The following TMEM236 variants were observed in gnomAD, a reference collection of about 807,000 sequenced individuals.
TMEM236 encodes family with sequence similarity 23, member A.
A neutral mutation model predicts 14.7 loss-of-function variants in TMEM236; 11 were observed. The ratio of observed to expected loss-of-function variants is 0.75; its 90% confidence interval spans 0.47 to 1.24. The LOEUF (loss-of-function observed/expected upper bound fraction) is 1.24, where lower values mean the gene tolerates loss of function less well. Ranked by LOEUF, TMEM236 falls within the 50% of genes most tolerant of loss-of-function variation. The pLI, the probability that TMEM236 is intolerant of heterozygous loss-of-function variation, is 0.00. For synonymous variants in TMEM236, 182 were observed against 168.6 expected (o/e 1.08, Z -0.62); for missense variants, 464 against 427.3 (o/e 1.09, Z -0.76).
chr10:17,762,662 A>G (rs1252596607), intron 1 of TMEM236, among the ~76,000 whole-genome samples: 3 of 106,042 alleles, frequency 2.8e-5, no homozygotes, highest in African/African-American at 1.0e-4. Context: ...ATTATATATA[A>G]ATATATATAT....
chr10:17,789,298 A>T (rs1003908950), intron 3 of TMEM236, among the ~76,000 whole-genome samples: 2,227 of 152,340 alleles, frequency 0.015, 19 homozygotes, highest in Non-Finnish European at 0.023. Flanking sequence ...CCAGATAATG[A>T]GTTATAGTGT....
In TMEM236 at chr10:17,795,928, A is replaced by C. The variant is rs1191567688; in HGVS notation, c.480A>C (p.Glu160Asp). Reference protein sequence around the residue: ...YPLRGSQKSSENGHIHSTSLQ... With the variant: ...YPLRGSQKSSDNGHIHSTSLQ... The stretch of plus-strand genomic sequence containing the variant: ...TAAATCTGTTAATTGCAGGTAGTGA[A>C]AATGGACACATCCATTCAACCTCTT... Residue 160 changes from glutamate (E) to aspartate (D), a missense_variant, in exon 4 of 4, where the codon GAA (glutamate) becomes GAC (aspartate). By Grantham distance (45) the Glu-to-Asp change is conservative (BLOSUM62 2). Coordinates refer to ENST00000377495, the MANE Select transcript of TMEM236 (RefSeq NM_001098844.3). 2 of 1,613,908 alleles carry C rather than the reference A, an allele frequency of 1.2e-6. No homozygotes were observed. Among genetic ancestry groups the C allele is most frequent in the Non-Finnish European group, 1.7e-6 (2 of 1,179,782 alleles).
In TMEM236 at chr10:17,798,277, A is replaced by G. The variant is rs1214222203; in HGVS notation, c.*1773A>G. The G allele has an allele frequency of 1.2e-5, 3 of 253,750 alleles. No homozygotes were observed. The highest frequency in any genetic ancestry group is 2.1e-4 in the East Asian group (2 of 9,350). 15.7% of individuals were successfully genotyped at this position (253,750 alleles called of 1,614,324 possible). On this transcript the variant is annotated 3_prime_UTR_variant, in exon 4 of 4. Transcript: ENST00000377495. Reference sequence around the variant, plus strand: ...CATATGGCCGGCTGTGGTGGCTCACACGTGTAATCCCAGCACTTTGGGAGG... The same window carrying G: ...CATATGGCCGGCTGTGGTGGCTCACGCGTGTAATCCCAGCACTTTGGGAGG...
chr10:17,776,281 A>T lies in TMEM236; in HGVS notation c.472+111A>T. On this transcript the variant is annotated intron_variant, in intron 3 of 3. Transcript: ENST00000377495. ...AATGATACCTTTTCTTAGGGCTAAC[A>T]TTACTGATAGAAGATTGCAAATGAA... 4 of 1,045,052 alleles carry T rather than the reference A, an allele frequency of 3.8e-6. No homozygotes were observed. The South Asian group carries it at 4.5e-5, about 12-fold the overall frequency. The allele number at this position is 1,045,052 out of a possible 1,614,324, so 64.7% of individuals were successfully genotyped here. A position where few individuals can be genotyped will look rare whatever the true frequency, so the allele number is the denominator to read the frequency against.
chr10:17,762,862 C>T (rs1186368115), intron 1 of TMEM236, among the ~76,000 whole-genome samples: 4 of 151,326 alleles, frequency 2.6e-5, no homozygotes, highest in East Asian at 2.0e-4. Flanking sequence ...CTAGGTTGCC[C>T]GGCTGGTCTC....
At chr10:17,755,343 A>T (rs1473751168) in intron 1 of TMEM236, among the ~76,000 whole-genome samples, 1 of 152,140 alleles carries the variant, frequency 6.6e-6, no homozygotes, top group South Asian at 2.1e-4. Flanking sequence ...AAATGTAAAA[A>T]TAATAGACTC....
At chr10:17,762,618 TAC>T (rs1300902533) in intron 1 of TMEM236, among the ~76,000 whole-genome samples, 4,070 of 63,380 alleles carry the variant, frequency 0.064, 147 homozygotes, top group African/African-American at 0.084. Flanking sequence ...TATATATATA[TAC>T]ACACATACAT....
chr10:17,773,316 C>T (rs1386048567), intron 2 of TMEM236, among the ~76,000 whole-genome samples: 1 of 152,150 alleles, frequency 6.6e-6, no homozygotes, highest in African/African-American at 2.4e-5. Context: ...AGAGAAGGAG[C>T]ATTCACCAGC....
rs1837969757 is a variant in TMEM236, at chr10:17,794,067, C to T, written c.473-1854C>T. Among the ~76,000 whole-genome samples the T allele has an allele frequency of 2.0e-5, 3 of 152,198 alleles. No individual in the cohort carries two copies. In the South Asian group the frequency reaches 6.2e-4, roughly 32 times the overall value. ...ATTATCTTTTTAGTTTATAAAAATG[C>T]TCAATTCACACTTAAACTTTAAAAC... is the stretch of plus-strand genomic sequence containing the variant. On this transcript the variant is annotated intron_variant, in intron 3 of 3. Coordinates refer to ENST00000377495, the MANE Select transcript of TMEM236 (RefSeq NM_001098844.3).
Position 17,798,613 on chromosome 10 carries a change from C to G in TMEM236, c.*2109C>G. On this transcript the variant is annotated 3_prime_UTR_variant, in exon 4 of 4. Transcript: ENST00000377495. ...ACCTCTCCCCTTGCCACCCTGTCTC[C>G]CTTTCCCTCTGTTTTAGGATTTTTC... 1.9e-6 allele frequency: 1 copy of G among 533,430 alleles called. No individual in the cohort carries two copies. The highest frequency in any genetic ancestry group is 1.4e-5 in the South Asian group (1 of 71,522). 33.0% of individuals were successfully genotyped at this position (533,430 alleles called of 1,614,324 possible). A position where few individuals can be genotyped will look rare whatever the true frequency, so the allele number is the denominator to read the frequency against.
At chr10:17,775,949 G>T in intron 2 of TMEM236, 80 bp from the exon 3 acceptor site, 1 of 1,499,888 alleles carries the variant, frequency 6.7e-7, no homozygotes, top group Non-Finnish European at 9.3e-7. Context: ...TTAATTTAGT[G>T]CTGCATTCAG....
At chr10:17,784,483 A>G (rs1426010902) in intron 3 of TMEM236, among the ~76,000 whole-genome samples, 1 of 152,196 alleles carries the variant, frequency 6.6e-6, no homozygotes, top group Non-Finnish European at 1.5e-5. Context: ...TTAAAAAAGG[A>G]AACCTCATTG....
chr10:17,787,382 T>C (rs1837855137), intron 3 of TMEM236, among the ~76,000 whole-genome samples: 1 of 152,188 alleles, frequency 6.6e-6, no homozygotes, highest in Non-Finnish European at 1.5e-5. Context: ...GGTATGTTAG[T>C]GGAATCAATC....
At chr10:17,762,863 G>A (rs545888173) in intron 1 of TMEM236, among the ~76,000 whole-genome samples, 6 of 151,272 alleles carry the variant, frequency 4.0e-5, no homozygotes, top group South Asian at 2.1e-4. Context: ...TAGGTTGCCC[G>A]GCTGGTCTCG....
chr10:17,752,573 T>C, intron 1 of TMEM236, 21 bp downstream of exon 1: 1 of 1,611,262 alleles, frequency 6.2e-7, no homozygotes, highest in South Asian at 1.1e-5. Context: ...GAATTTTCTT[T>C]TTTTTCTTTT....
chr10:17,752,863 G>A (rs1034444049), intron 1 of TMEM236, among the ~76,000 whole-genome samples: 8 of 152,036 alleles, frequency 5.3e-5, no homozygotes, highest in Middle Eastern at 3.2e-3. Flanking sequence ...CACAATGCCC[G>A]GCCTGTAGAA....
intron 1 of TMEM236, among the ~76,000 whole-genome samples, chr10:17,764,117 G>C (rs1048376267): frequency 6.6e-6 from 1 of 152,166 alleles, no homozygotes; most frequent in Non-Finnish European, 1.5e-5. Context: ...TTAACTTCAT[G>C]AGTTAGGTAA....
At chr10:17,755,090 C>T (rs1554833621) in intron 1 of TMEM236, among the ~76,000 whole-genome samples, 2 of 151,618 alleles carry the variant, frequency 1.3e-5, no homozygotes, top group African/African-American at 4.9e-5. Context: ...AGGGTCCTGC[C>T]ACCACTCCCG....
rs1838079964 is a variant in TMEM236, at chr10:17,800,666, A to T, written c.*4162A>T. 2 of 152,304 alleles carry T rather than the reference A, an allele frequency of 1.3e-5. No individual in the cohort carries two copies. The highest frequency in any genetic ancestry group is 3.9e-4 in the East Asian group (2 of 5,182). The allele number at this position is 152,304 out of a possible 1,614,324, so 9.4% of individuals were successfully genotyped here. ...TGCCTTGTGCTGTGTACCTTGGAGCAGGGCCTTACATAGTGAATATATCAA... is the reference window on the plus strand; with the variant it reads ...TGCCTTGTGCTGTGTACCTTGGAGCTGGGCCTTACATAGTGAATATATCAA... On this transcript the variant is annotated 3_prime_UTR_variant, in exon 4 of 4. Coordinates refer to ENST00000377495, the MANE Select transcript of TMEM236 (RefSeq NM_001098844.3).
Sources: allele counts gnomAD v4.1 joint callset (sites outside exome capture counted in the v4.1 genomes callset), GRCh38; gene constraint gnomAD v4.1.1; transcripts MANE v1.5; gene names NCBI Gene and HGNC (gene_info 2026-07-23, HGNC 2026-07-21).